Variants in TENM3 observed in about 807,000 individuals in gnomAD.
TENM3 encodes teneurin transmembrane protein 3.
Under a neutral mutation model 255.1 loss-of-function variants are expected in TENM3, and 63 were observed. The observed-to-expected ratio is 0.25, with a 90% CI of 0.20 to 0.30. TENM3 has a LOEUF of 0.30. Among genes scored for constraint, TENM3 ranks in the 10% least tolerant of loss-of-function variants. The pLI is 1.00. For missense variants in TENM3, 2,929 were observed against 3,461.1 expected, an observed-to-expected ratio of 0.85 and a Z score of 3.86; for synonymous variants, 1,306 against 1,322.3, an observed-to-expected ratio of 0.99 and a Z score of 0.27.
At chr4:181,467,991 G>A in the TENM3 span, among the ~76,000 whole-genome samples, 2 of 151,892 alleles carry the variant, frequency 1.3e-5, no homozygotes, top group African/African-American at 4.8e-5. Context: ...ACAGTACTAG[G>A]TAAAATTAAA....
chr4:182,329,116 C>T (rs1763600355), intron 2 of TENM3, among the ~76,000 whole-genome samples: 1 of 152,202 alleles, frequency 6.6e-6, no homozygotes, highest in South Asian at 2.1e-4. Context: ...ACTCATCTCC[C>T]AGCAGACTCG....
At chr4:182,747,619 A>G (rs1010913120) in intron 19 of TENM3, among the ~76,000 whole-genome samples, 9 of 152,326 alleles carry the variant, frequency 5.9e-5, no homozygotes, top group Non-Finnish European at 1.2e-4. Context: ...TTTAAAAATT[A>G]CATTAATTAA....
chr4:181,909,460 T>G, the TENM3 span, among the ~76,000 whole-genome samples: 2 of 152,124 alleles, frequency 1.3e-5, no homozygotes, highest in South Asian at 4.1e-4. Flanking sequence ...CTAGCTCACC[T>G]TGGGCAAATC....
intron 3 of TENM3, among the ~76,000 whole-genome samples, chr4:182,538,205 A>G (rs940407547): frequency 6.6e-6 from 1 of 152,216 alleles, no homozygotes; most frequent in Admixed American, 6.5e-5. Flanking sequence ...TGAAGAAACA[A>G]TGTTATTAAC....
the TENM3 span, among the ~76,000 whole-genome samples, chr4:181,992,272 GT>G: frequency 3.9e-5 from 6 of 152,126 alleles, no homozygotes; most frequent in African/African-American, 9.7e-5. Context: ...CAAACAGCAT[GT>G]TTTTAGTAAA....
At chr4:181,796,433 A>G in the TENM3 span, among the ~76,000 whole-genome samples, 6 of 152,326 alleles carry the variant, frequency 3.9e-5, no homozygotes, top group South Asian at 2.1e-4. Flanking sequence ...GGAATAACCA[A>G]TGAGATGGTC....
intron 4 of TENM3, among the ~76,000 whole-genome samples, chr4:182,605,986 A>T (rs1748379973): frequency 6.6e-6 from 1 of 152,214 alleles, no homozygotes; most frequent in Admixed American, 6.5e-5. Context: ...TATGCCTTAG[A>T]TAAATAAGAA....
At chr4:182,574,242 C>T (rs1744700162) in intron 3 of TENM3, among the ~76,000 whole-genome samples, 1 of 152,050 alleles carries the variant, frequency 6.6e-6, no homozygotes, top group Non-Finnish European at 1.5e-5. Context: ...AAATTGAATA[C>T]CGTAGCGTGT....
At chr4:181,618,225 A>G in the TENM3 span, among the ~76,000 whole-genome samples, 2 of 152,110 alleles carry the variant, frequency 1.3e-5, no homozygotes, top group Non-Finnish European at 2.9e-5. Context: ...GAGCCAATTT[A>G]TCAACATCGA....
chr4:182,600,924 AGC>A lies in TENM3; in HGVS notation c.513_514del (p.Gln172ThrfsTer18). The A allele has an allele frequency of 2.2e-6, 2 of 915,320 alleles. No homozygotes were observed. Among genetic ancestry groups the A allele is most frequent in the Non-Finnish European group, 1.6e-6 (1 of 640,280 alleles). 56.7% of individuals were successfully genotyped at this position (915,320 alleles called of 1,614,324 possible). ...TTTTTTTTTTTTTTTTTTTTTTCAGAGCAACCTGCAAGCAATCAAGGCCAGTC... is the reference window on the plus strand; with the variant it reads ...TTTTTTTTTTTTTTTTTTTTTTCAGAAACCTGCAAGCAATCAAGGCCAGTC... On this transcript the variant is annotated frameshift_variant and splice_region_variant, in exon 4 of 28. Transcript: ENST00000511685. LOFTEE classifies it high-confidence loss of function.
At chr4:181,649,748 T>C in the TENM3 span, among the ~76,000 whole-genome samples, 1 of 152,212 alleles carries the variant, frequency 6.6e-6, no homozygotes, top group South Asian at 2.1e-4. Flanking sequence ...ATTTCATTCA[T>C]TTTCCATCAC....
chr4:182,461,752 C>T (rs62337167), intron 3 of TENM3, among the ~76,000 whole-genome samples: 4,373 of 152,272 alleles, frequency 0.029, 87 homozygotes, highest in Middle Eastern at 0.061. Flanking sequence ...ACTCTGGTAT[C>T]TTCAGAGCCT....
chr4:181,668,826 T>C, the TENM3 span, among the ~76,000 whole-genome samples: 1 of 152,316 alleles, frequency 6.6e-6, no homozygotes, highest in East Asian at 1.9e-4. Flanking sequence ...TGGAATGTCC[T>C]GCTCTGCCTT....
chr4:182,474,972 C>G (rs551988685), intron 3 of TENM3, among the ~76,000 whole-genome samples: 9 of 152,296 alleles, frequency 5.9e-5, no homozygotes, highest in African/African-American at 2.2e-4. Flanking sequence ...CTACTCGTAT[C>G]TACACACTTC....
chr4:181,678,235 T>C, the TENM3 span, among the ~76,000 whole-genome samples: 1 of 152,102 alleles, frequency 6.6e-6, no homozygotes, highest in Non-Finnish European at 1.5e-5. Flanking sequence ...GTAATAACTT[T>C]TTTGAAGAAA....
At chr4:181,614,948 A>T in the TENM3 span, among the ~76,000 whole-genome samples, 1 of 152,186 alleles carries the variant, frequency 6.6e-6, no homozygotes, top group Non-Finnish European at 1.5e-5. Context: ...TAGCTTGTAG[A>T]GTGAATCAGA....
chr4:182,627,460 A>T (rs1750926668), intron 4 of TENM3, among the ~76,000 whole-genome samples: 1 of 152,166 alleles, frequency 6.6e-6, no homozygotes, highest in Admixed American at 6.5e-5. Flanking sequence ...AATATACAAT[A>T]AGTATATGAG....
chr4:182,393,225 AAC>A (rs1768558370), intron 3 of TENM3, among the ~76,000 whole-genome samples: 1 of 152,232 alleles, frequency 6.6e-6, no homozygotes, highest in South Asian at 2.1e-4. Flanking sequence ...CATTAGGAAA[AAC>A]AGTGTTTAGT....
At chr4:182,647,509 G>C (rs1261570940) in intron 5 of TENM3, among the ~76,000 whole-genome samples, 3 of 152,276 alleles carry the variant, frequency 2.0e-5, no homozygotes, top group African/African-American at 4.8e-5. Context: ...TTCATTTAAC[G>C]TGAAGTCCTC....
Sources: gnomAD v4.1 joint callset for allele counts (sites outside exome capture counted in the v4.1 genomes callset) on GRCh38, gnomAD v4.1.1 for gene constraint, MANE v1.5 for transcripts, NCBI Gene and HGNC (gene_info 2026-07-23, HGNC 2026-07-21) for gene names.